RAB22A: variants seen among roughly 807,000 people sequenced by gnomAD.
The protein encoded by RAB22A is RAB22A, member RAS oncogene family.
A neutral mutation model predicts 30.2 loss-of-function variants in RAB22A; 13 were observed. The ratio of observed to expected loss-of-function variants is 0.43; its 90% CI spans 0.28 to 0.68. RAB22A has a LOEUF of 0.68. Ranked by LOEUF, RAB22A falls within the 30% of genes least tolerant of loss-of-function variation. RAB22A has a pLI of 0.18. For synonymous variants in RAB22A, 89 were observed against 87.2 expected (o/e 1.02, Z -0.11); for missense variants, 177 against 246.8 (o/e 0.72, Z 1.89).
chr20:58,357,435 C>T (rs1013457082), intron 6 of RAB22A, among the ~76,000 whole-genome samples: 4 of 152,128 alleles, frequency 2.6e-5, no homozygotes, highest in African/African-American at 4.8e-5. Flanking sequence ...TCAACTCCTT[C>T]GATGGATTGA....
At chr20:58,312,790 G>A (rs1409286182) in intron 2 of RAB22A, among the ~76,000 whole-genome samples, 2 of 151,976 alleles carry the variant, frequency 1.3e-5, no homozygotes, top group African/African-American at 4.8e-5. Context: ...GTGCCTGGCC[G>A]CCTATCTGCT....
At chr20:58,327,259 C>G (rs568488874) in intron 2 of RAB22A, among the ~76,000 whole-genome samples, 1 of 152,308 alleles carries the variant, frequency 6.6e-6, no homozygotes, top group African/African-American at 2.4e-5. Context: ...AACAAATCGT[C>G]CCAGTATTTA....
rs114484291 is a variant in RAB22A, at chr20:58,347,265, C to T, written c.198+3466C>T. The stretch of plus-strand genomic sequence containing the variant: ...GATTGTCTTTCTGATGGTCCAGCTA[C>T]GTTTGATTGCAAAGTGATTTCATTA... On this transcript the variant is annotated intron_variant, in intron 3 of 6. Coordinates refer to ENST00000244040, the MANE Select transcript of RAB22A (RefSeq NM_020673.3). 9.3e-3 allele frequency among the ~76,000 whole-genome samples: 1,415 copies of T among 152,270 alleles called. 22 individuals carry two copies. Among genetic ancestry groups the T allele is most frequent in the Middle Eastern group, 0.031 (9 of 294 alleles).
Position 58,367,341 on chromosome 20 carries a change from A to G in RAB22A, c.*7638A>G, listed in dbSNP as rs1009036628. 6.6e-5 allele frequency: 10 copies of G among 152,502 alleles called. No homozygotes were observed. Among genetic ancestry groups the G allele is most frequent in the African/African-American group, 2.2e-4 (9 of 41,458 alleles). 9.4% of individuals were successfully genotyped at this position (152,502 alleles called of 1,614,324 possible). A position where few individuals can be genotyped will look rare whatever the true frequency, so the allele number is the denominator to read the frequency against. On this transcript the variant is annotated 3_prime_UTR_variant, in exon 7 of 7. Transcript: ENST00000244040. ...TTTTTGTTTTCATGCCTATGCTCAT[A>G]GTAGATAGTTTGCAAATGAAAGTTG...
At position 58,365,668 on chromosome 20, in the gene RAB22A, C is replaced by CA. The variant is rs1987301412; in HGVS notation, c.*5965_*5966insA. 1 of 145,884 alleles carries CA rather than the reference C, an allele frequency of 6.9e-6. No homozygotes were observed. The highest frequency in any genetic ancestry group is 1.5e-5 in the Non-Finnish European group (1 of 65,918). 9.0% of individuals were successfully genotyped at this position (145,884 alleles called of 1,614,324 possible). ...AGCAACTGATGGGTGGCTTTTTTTT[C>CA]TTTTTTTTTTTGAGACGGAGTCTCG... On this transcript the variant is annotated 3_prime_UTR_variant, in exon 7 of 7. Transcript: ENST00000244040.
rs553429293 is a variant in RAB22A at position 58,319,611 on chromosome 20, G to C, written c.116+8489G>C. ...AAAGAGCCAGGTGAGATCTTGATTG[G>C]GAACACATTGAATCTCTTGACCAAT... On this transcript the variant is annotated intron_variant, in intron 2 of 6. Coordinates refer to ENST00000244040, the MANE Select transcript of RAB22A (RefSeq NM_020673.3). Among the ~76,000 whole-genome samples, 5 of 152,248 alleles carry C rather than the reference G, an allele frequency of 3.3e-5. No individual in the cohort carries two copies. In the South Asian group the frequency reaches 1.0e-3, roughly 32 times the overall value.
At position 58,359,762 on chromosome 20, in the gene RAB22A, G is replaced by A. The variant is rs994395514; in HGVS notation, c.*59G>A. The A allele has an allele frequency of 3.5e-5, 52 of 1,474,592 alleles. No homozygotes were observed. The highest frequency in any genetic ancestry group is 4.6e-5 in the Non-Finnish European group (49 of 1,064,270). The allele number at this position is 1,474,592 out of a possible 1,614,324, so 91.3% of individuals were successfully genotyped here. ...TAGGTGGTCCTGAAAGTTAACAGGA[G>A]GGCTGGGGTCCCTGCCACCAGTTTT... is the stretch of plus-strand genomic sequence containing the variant. On this transcript the variant is annotated 3_prime_UTR_variant, in exon 7 of 7. Coordinates refer to ENST00000244040, the MANE Select transcript of RAB22A (RefSeq NM_020673.3).
In RAB22A at chr20:58,331,827, A is replaced by G. The variant is rs559142480; in HGVS notation, c.117-11891A>G. 3.3e-5 allele frequency among the ~76,000 whole-genome samples: 5 copies of G among 152,286 alleles called. No homozygotes were observed. The South Asian group carries it at 8.3e-4, about 25-fold the overall frequency. ...TTCCTAGGTGATTTCATTCACACTC[A>G]GCACTTTGATGGCCACCTTTCTCTA... On this transcript the variant is annotated intron_variant, in intron 2 of 6. Transcript: ENST00000244040.
chr20:58,316,644 G>A (rs997918744), intron 2 of RAB22A, among the ~76,000 whole-genome samples: 6 of 152,158 alleles, frequency 3.9e-5, no homozygotes, highest in Non-Finnish European at 7.3e-5. Flanking sequence ...CTGCACGTGG[G>A]TGAGTCCTAC....
intron 6 of RAB22A, among the ~76,000 whole-genome samples, chr20:58,356,799 A>G (rs1362785789): frequency 6.6e-6 from 1 of 152,160 alleles, no homozygotes; most frequent in Non-Finnish European, 1.5e-5. Flanking sequence ...ATGTCATTGC[A>G]TCTAGCTGTG....
At chr20:58,324,884 A>AAAAAC (rs1480636043) in intron 2 of RAB22A, among the ~76,000 whole-genome samples, 10 of 122,872 alleles carry the variant, frequency 8.1e-5, no homozygotes, top group Non-Finnish European at 1.7e-4. Context: ...AAAAAAAAAA[A>AAAAAC]AAAACTGTAC....
rs1348641010 is a variant in RAB22A at position 58,310,009 on chromosome 20, C to A, written c.33C>A (p.Leu11=). ...TGAGGGAGCTCAAAGTGTGTCTGCT[C>A]GGGGTGAGTGGCGGCGGGTCCGGCC... MALRELKVCL[L]GDTGVGKSSI... The change falls in exon 1 of 7, where the codon CTC becomes CTA. Residue 11 remains leucine (L), a synonymous_variant. Transcript: ENST00000244040. 2 of 1,283,220 alleles carry A rather than the reference C, an allele frequency of 1.6e-6. No homozygotes were observed. The highest frequency in any genetic ancestry group is 3.1e-5 in the South Asian group (1 of 32,530). 79.5% of individuals were successfully genotyped at this position (1,283,220 alleles called of 1,614,324 possible).
Position 58,336,075 on chromosome 20 carries a change from T to G in RAB22A, c.117-7643T>G, listed in dbSNP as rs1986746064. On this transcript the variant is annotated intron_variant, in intron 2 of 6. Coordinates refer to ENST00000244040, the MANE Select transcript of RAB22A (RefSeq NM_020673.3). Reference sequence around the variant, plus strand: ...CCCAGGGTGGAGTGCAGTGGCACGATCTCAGCTCACTGCAACCTCCACCTC... The same window carrying G: ...CCCAGGGTGGAGTGCAGTGGCACGAGCTCAGCTCACTGCAACCTCCACCTC... Among the ~76,000 whole-genome samples the G allele has an allele frequency of 3.9e-5, 6 of 152,300 alleles. No homozygotes were observed. In the Middle Eastern group the frequency reaches 0.02, roughly 518 times the overall value.
chr20:58,320,558 G>C (rs951751472), intron 2 of RAB22A, among the ~76,000 whole-genome samples: 2 of 152,072 alleles, frequency 1.3e-5, no homozygotes, highest in African/African-American at 4.8e-5. Flanking sequence ...TGTTATCTGA[G>C]CATTTAGAAC....
intron 2 of RAB22A, among the ~76,000 whole-genome samples, chr20:58,334,148 T>C (rs1478891778): frequency 6.6e-6 from 1 of 152,104 alleles, no homozygotes; most frequent in South Asian, 2.1e-4. Context: ...CTGGCCAACA[T>C]GGTGAAACCG....
chr20:58,354,610 T>C (rs1987103937), intron 6 of RAB22A, among the ~76,000 whole-genome samples: 1 of 152,182 alleles, frequency 6.6e-6, no homozygotes, highest in Admixed American at 6.5e-5. Flanking sequence ...GAAATGCAGG[T>C]ATACTTGCAC....
chr20:58,359,192 C>T (rs946696098), intron 6 of RAB22A, among the ~76,000 whole-genome samples: 1 of 152,126 alleles, frequency 6.6e-6, no homozygotes, highest in Non-Finnish European at 1.5e-5. Flanking sequence ...CTATGTATTA[C>T]CTACTCAAAA....
intron 2 of RAB22A, among the ~76,000 whole-genome samples, chr20:58,340,142 A>T (rs975566168): frequency 6.6e-6 from 1 of 152,130 alleles, no homozygotes; most frequent in African/African-American, 2.4e-5. Flanking sequence ...GTTGGGAAAA[A>T]ACTCCTGATT....
At chr20:58,338,974 C>A (rs973221954) in intron 2 of RAB22A, among the ~76,000 whole-genome samples, 1 of 152,190 alleles carries the variant, frequency 6.6e-6, no homozygotes, top group Non-Finnish European at 1.5e-5. Flanking sequence ...GACACCATCC[C>A]ATATGCCATG....
Sources: gnomAD v4.1 joint callset for allele counts (sites outside exome capture counted in the v4.1 genomes callset) on GRCh38, gnomAD v4.1.1 for gene constraint, MANE v1.5 for transcripts, NCBI Gene and HGNC (gene_info 2026-07-23, HGNC 2026-07-21) for gene names.